Variants in RSBN1L observed in about 807,000 individuals in gnomAD.
RSBN1L encodes the protein lysine-specific demethylase RSBN1L.
Under a neutral mutation model 67.7 loss-of-function variants are expected in RSBN1L, and 30 were observed. The observed-to-expected ratio is 0.44, with a 90% CI of 0.33 to 0.60. The LOEUF is 0.60. Among genes scored for constraint, RSBN1L ranks in the 20% least tolerant of loss-of-function variants. The probability of loss-of-function intolerance (pLI) is 0.02; values close to 1 mark genes in which losing one functional copy is unlikely to be tolerated. For missense variants in RSBN1L, 992 were observed against 1,031.7 expected (o/e 0.96, Z 0.53); for synonymous variants, 433 against 387.0 (o/e 1.12, Z -1.39).
chr7:77,730,752 AT>A (rs1261264976), intron 1 of RSBN1L, among the ~76,000 whole-genome samples: 3 of 152,194 alleles, frequency 2.0e-5, no homozygotes, highest in Non-Finnish European at 4.4e-5. Flanking sequence ...GCTGAAGAAT[AT>A]TCCATTGTCT....
rs531740750 is a variant in RSBN1L at position 77,755,222 on chromosome 7, T to C, written c.1344+5158T>C. Among the ~76,000 whole-genome samples the C allele has an allele frequency of 5.3e-5, 8 of 152,296 alleles. No homozygotes were observed. The South Asian group carries it at 1.7e-3, about 32-fold the overall frequency. On this transcript the variant is annotated intron_variant, in intron 3 of 7. Transcript: ENST00000334955. ...CAAATTGTGGATAATAAAGCCAAAT[T>C]AATGTTAAAGTGTTTGCTCAGGAAT...
intron 1 of RSBN1L, among the ~76,000 whole-genome samples, chr7:77,727,804 A>G (rs1791226631): frequency 6.6e-6 from 1 of 152,020 alleles, no homozygotes; most frequent in Non-Finnish European, 1.5e-5. Flanking sequence ...TTTCCTTTTT[A>G]ATAATTCCAC....
rs531601851 is a variant in RSBN1L, at chr7:77,696,481, G to A, written c.12G>A (p.Pro4=). Residue 4 remains proline (P), a synonymous_variant, in exon 1 of 8, where the codon CCG becomes CCA. Coordinates refer to ENST00000334955, the MANE Select transcript of RSBN1L (RefSeq NM_198467.3). MAE[P]PSPVHCVAAA... is the part of the protein sequence containing the mutation. ...AACAGGAGCGCAAAATGGCGGAACC[G>A]CCGAGCCCCGTGCACTGTGTCGCTG... 1.2e-5 allele frequency: 19 copies of A among 1,609,018 alleles called. No individual in the cohort carries two copies. The highest frequency in any genetic ancestry group is 1.7e-4 in the Middle Eastern group (1 of 6,032).
intron 1 of RSBN1L, among the ~76,000 whole-genome samples, chr7:77,735,119 A>G (rs934002132): frequency 6.6e-6 from 1 of 151,884 alleles, no homozygotes; most frequent in Non-Finnish European, 1.5e-5. Flanking sequence ...TAATTTGTAT[A>G]TTATTAATGA....
chr7:77,725,244 CTTTTT>C (rs779531960), intron 1 of RSBN1L, among the ~76,000 whole-genome samples: 13 of 73,658 alleles, frequency 1.8e-4, no homozygotes, highest in East Asian at 7.0e-4. Context: ...AAGCCCCCCA[CTTTTT>C]TTTTTTTTTT....
At chr7:77,707,239 G>T (rs1186625413) in intron 1 of RSBN1L, among the ~76,000 whole-genome samples, 1 of 152,032 alleles carries the variant, frequency 6.6e-6, no homozygotes, top group Non-Finnish European at 1.5e-5. Flanking sequence ...GACCAGACTG[G>T]TCTTGAATGC....
chr7:77,733,315 A>G (rs1460319082), intron 1 of RSBN1L, among the ~76,000 whole-genome samples: 1 of 152,108 alleles, frequency 6.6e-6, no homozygotes, highest in Non-Finnish European at 1.5e-5. Context: ...TATAGATGGG[A>G]TTATTTGTGT....
intron 1 of RSBN1L, among the ~76,000 whole-genome samples, chr7:77,720,295 T>G (rs1273459237): frequency 1.3e-5 from 2 of 152,090 alleles, no homozygotes; most frequent in Non-Finnish European, 2.9e-5. Flanking sequence ...GCGTGGTGGC[T>G]CGTGCCTATA....
At position 77,696,814 on chromosome 7, in the gene RSBN1L, AGCCTCC is replaced by A. The variant is rs747449776; in HGVS notation, c.348_353del (p.Ala118_Ser119del). ...CCGCTGGCACGGCCGTTCCCTCCTC[AGCCTCC>A]GCTTCCTTGTCTCAGCCGGTGCCGC... On this transcript the variant is annotated inframe_deletion, in exon 1 of 8. Transcript: ENST00000334955. The A allele has an allele frequency of 6.2e-7, 1 of 1,613,540 alleles. No homozygotes were observed. The highest frequency in any genetic ancestry group is 2.2e-5 in the East Asian group (1 of 44,872).
chr7:77,768,576 T>A, intron 4 of RSBN1L, 85 bp from the exon 5 acceptor site: 1 of 1,165,402 alleles, frequency 8.6e-7, no homozygotes, highest in African/African-American at 2.2e-5. Context: ...AAAGTGTGTT[T>A]GTCAGGGGAA....
At chr7:77,702,374 G>A (rs1450689883) in intron 1 of RSBN1L, among the ~76,000 whole-genome samples, 7 of 152,078 alleles carry the variant, frequency 4.6e-5, no homozygotes, top group African/African-American at 1.7e-4. Context: ...CCTCTTCAAG[G>A]ATATTAATTA....
intron 1 of RSBN1L, among the ~76,000 whole-genome samples, chr7:77,735,066 CAAAA>C (rs959086130): frequency 2.1e-5 from 3 of 144,598 alleles, no homozygotes; most frequent in Non-Finnish European, 4.5e-5. Context: ...AAAAAAAAAA[CAAAA>C]AACACTTTGT....
chr7:77,721,518 T>C (rs1045311714), intron 1 of RSBN1L, among the ~76,000 whole-genome samples: 1 of 152,168 alleles, frequency 6.6e-6, no homozygotes, highest in Non-Finnish European at 1.5e-5. Context: ...TTTGTGATCA[T>C]GGGCATCAAG....
chr7:77,768,884 G>A, intron 5 of RSBN1L, 81 bp downstream of exon 5: 3 of 1,215,070 alleles, frequency 2.5e-6, no homozygotes, highest in South Asian at 1.4e-5. Flanking sequence ...ATTGGAGGAA[G>A]GAGGAATGCA....
At chr7:77,760,928 G>A (rs917666783) in intron 3 of RSBN1L, among the ~76,000 whole-genome samples, 3 of 152,164 alleles carry the variant, frequency 2.0e-5, no homozygotes, top group East Asian at 1.9e-4. Flanking sequence ...GACGCCTGGC[G>A]TATATTTTAA....
At chr7:77,720,858 C>G (rs1161360518) in intron 1 of RSBN1L, among the ~76,000 whole-genome samples, 3 of 149,676 alleles carry the variant, frequency 2.0e-5, no homozygotes, top group African/African-American at 7.4e-5. Context: ...ATCAGCCTCC[C>G]AGGTTCTCAT....
chr7:77,729,813 G>A (rs1791251821), intron 1 of RSBN1L, among the ~76,000 whole-genome samples: 1 of 152,036 alleles, frequency 6.6e-6, no homozygotes, highest in African/African-American at 2.4e-5. Flanking sequence ...AATTAGCTGG[G>A]TGTGATGGTG....
intron 2 of RSBN1L, among the ~76,000 whole-genome samples, chr7:77,739,414 A>T (rs896191728): frequency 6.6e-6 from 1 of 151,918 alleles, no homozygotes; most frequent in Non-Finnish European, 1.5e-5. Flanking sequence ...GGTTTTTCTT[A>T]AAAATTGTGT....
Position 77,697,198 on chromosome 7 carries a change from G to A in RSBN1L, c.586+143G>A, listed in dbSNP as rs1455637685. 4 of 934,962 alleles carry A rather than the reference G, an allele frequency of 4.3e-6. No homozygotes were observed. The African/African-American group carries it at 5.2e-5, about 12-fold the overall frequency. 57.9% of individuals were successfully genotyped at this position (934,962 alleles called of 1,614,324 possible). A position where few individuals can be genotyped will look rare whatever the true frequency, so the allele number is the denominator to read the frequency against. ...GGGAGGCGTCCGGTTTTCAGCAGAG[G>A]ATTTTGCAGTTCCCAAGGGGACAGG... is the stretch of plus-strand genomic sequence containing the variant. On this transcript the variant is annotated intron_variant, in intron 1 of 7. Coordinates refer to ENST00000334955, the MANE Select transcript of RSBN1L (RefSeq NM_198467.3).
Sources: allele counts gnomAD v4.1 joint callset (sites outside exome capture counted in the v4.1 genomes callset), GRCh38; gene constraint gnomAD v4.1.1; transcripts MANE v1.5; gene names NCBI Gene and HGNC (gene_info 2026-07-23, HGNC 2026-07-21).